The following CCDC57 variants were observed in gnomAD, a reference collection of about 807,000 sequenced individuals.
CCDC57 encodes coiled-coil domain containing 57, also known as coiled-coil domain-containing protein 57.
Under a neutral mutation model 118.9 loss-of-function variants are expected in CCDC57, and 118 were observed. The ratio of observed to expected loss-of-function variants is 0.99; its 90% CI spans 0.86 to 1.16. The LOEUF (loss-of-function observed/expected upper bound fraction) is 1.16. Among genes scored for constraint, CCDC57 ranks in the 50% most tolerant of loss-of-function variants. The pLI is 0.00. For missense variants in CCDC57, 1,300 were observed against 1,320.7 expected, an observed-to-expected ratio of 0.98 and a Z score of 0.24; for synonymous variants, 527 against 532.9, an observed-to-expected ratio of 0.99 and a Z score of 0.15.
intron 5 of CCDC57, 102 bp from the exon 5 acceptor site, chr17:82,194,241 A>C: frequency 8.1e-7 from 1 of 1,235,384 alleles, no homozygotes; most frequent in Non-Finnish European, 1.1e-6. Flanking sequence ...AGGGAGAAGA[A>C]AAATGAAAAT....
At chr17:82,134,117 G>A (rs1280537904) in exon 17 of CCDC57, 33 of 1,416,850 alleles carry the variant, frequency 2.3e-5, no homozygotes, top group Middle Eastern at 1.8e-4. Context: ...GGTGGGCTGC[G>A]ATCCAAAGGC....
intron 19 of CCDC57, among the ~76,000 whole-genome samples, chr17:82,121,366 T>G (rs1461250248): frequency 6.6e-6 from 1 of 152,160 alleles, no homozygotes; most frequent in Non-Finnish European, 1.5e-5. Flanking sequence ...GAGGCCCCAG[T>G]GCTACTGAGC....
intron 14 of CCDC57, among the ~76,000 whole-genome samples, chr17:82,159,575 G>T (rs531539066): frequency 6.6e-6 from 1 of 152,088 alleles, no homozygotes; most frequent in African/African-American, 2.4e-5. Context: ...TGAGGGTAAC[G>T]CACATGTTAA....
chr17:82,158,346 G>C (rs1196422284), intron 14 of CCDC57, among the ~76,000 whole-genome samples: 1 of 152,172 alleles, frequency 6.6e-6, no homozygotes, highest in African/African-American at 2.4e-5. Context: ...GACATGGGGA[G>C]GCCAGAGGTA....
At chr17:82,171,925 G>T in intron 12 of CCDC57, 72 bp from the exon 12 acceptor site, 2 of 1,534,040 alleles carry the variant, frequency 1.3e-6, no homozygotes, top group Non-Finnish European at 8.9e-7. Context: ...GTGAGCACCA[G>T]CTCAGGGAGC....
chr17:82,179,628 C>T (rs999427691), intron 9 of CCDC57, among the ~76,000 whole-genome samples: 6 of 145,796 alleles, frequency 4.1e-5, no homozygotes, highest in Non-Finnish European at 9.0e-5. Flanking sequence ...AGCCACGGGG[C>T]GGGCGGGGAT....
At chr17:82,113,888 G>C in intron 19 of CCDC57, 1 of 557,838 alleles carries the variant, frequency 1.8e-6, no homozygotes, top group Non-Finnish European at 3.2e-6. Flanking sequence ...TGAGGCCACA[G>C]TGAACCAAGA....
intron 19 of CCDC57, among the ~76,000 whole-genome samples, chr17:82,103,148 G>A (rs2034582437): frequency 6.6e-6 from 1 of 152,232 alleles, no homozygotes; most frequent in African/African-American, 2.4e-5. Context: ...CGCACTCTCA[G>A]CTGGGCTGCG....
At chr17:82,109,321 C>G (rs1476848046) in intron 19 of CCDC57, among the ~76,000 whole-genome samples, 2 of 152,232 alleles carry the variant, frequency 1.3e-5, no homozygotes, top group South Asian at 2.1e-4. Context: ...GGCTGCGAGG[C>G]ATAAGGTTCT....
intron 19 of CCDC57, among the ~76,000 whole-genome samples, chr17:82,124,550 T>G (rs934264248): frequency 2.6e-5 from 4 of 152,130 alleles, no homozygotes; most frequent in African/African-American, 9.7e-5. Context: ...CCCAGCACTT[T>G]GAGAGCGTAA....
chr17:82,201,527 CG>C lies in CCDC57; in HGVS notation c.407+10del. Reference sequence around the variant, plus strand: ...GCACTGCACAGGAGGGCGCGTCGGTCGGTGGCTCACCTGTGGACGCGCTCCA... The same window carrying C: ...GCACTGCACAGGAGGGCGCGTCGGTCGTGGCTCACCTGTGGACGCGCTCCA... On this transcript the variant is annotated intron_variant, in intron 3 of 19. Coordinates refer to ENST00000665763, the Ensembl canonical transcript of CCDC57. 6.3e-7 allele frequency: 1 copy of C among 1,584,186 alleles called. No individual in the cohort carries two copies. Among genetic ancestry groups the C allele is most frequent in the African/African-American group, 1.3e-5 (1 of 74,536 alleles).
At chr17:82,184,025 G>GTGCA in intron 8 of CCDC57, 93 bp from the exon 8 acceptor site, 1 of 387,908 alleles carries the variant, frequency 2.6e-6, no homozygotes, top group Admixed American at 4.7e-5. Flanking sequence ...ATGCGCGCGC[G>GTGCA]CGCGCGCACA....
chr17:82,210,993 TAAAAAAAAAAA>T (rs1207759837), intron 1 of CCDC57, among the ~76,000 whole-genome samples: 1 of 68,860 alleles, frequency 1.5e-5, no homozygotes, highest in Non-Finnish European at 2.8e-5. Context: ...GACTCCGTCT[TAAAAAAAAAAA>T]AAAAAGAAAA....
intron 19 of CCDC57, among the ~76,000 whole-genome samples, chr17:82,120,125 G>A (rs1369586059): frequency 6.6e-6 from 1 of 151,982 alleles, no homozygotes; most frequent in East Asian, 1.9e-4. Flanking sequence ...TAATTTAGAT[G>A]CCACTAAATT....
In CCDC57 at chr17:82,201,899, G is replaced by A. The variant is rs572961940; in HGVS notation, c.46C>T (p.Arg16Cys). The A allele has an allele frequency of 6.3e-5, 102 of 1,608,032 alleles. No homozygotes were observed. The highest frequency in any genetic ancestry group is 3.0e-4 in the South Asian group (27 of 90,944). The change falls in exon 3 of 20, where the codon CGC becomes TGC. Residue 16 changes from arginine to cysteine, a missense_variant. Transcript: ENST00000665763. ...AGCGCCCTCCACTCCTCCTCCTTGC[G>A]AAGCAGCAGCTCATTCAGGGCGGGC...
chr17:82,144,632 C>A lies in CCDC57; in HGVS notation c.2455+6928G>T, dbSNP rs144487276. On this transcript the variant is annotated intron_variant, in intron 16 of 19. Transcript: ENST00000665763. ...GAGCAGGCCTGGGAAGAGCTTCAAT[C>A]AACTGTTTCATAAAATGTGAGCAAA... Among the ~76,000 whole-genome samples, 319 of 152,290 alleles carry A rather than the reference C, an allele frequency of 2.1e-3. 2 individuals are homozygous for A. Among genetic ancestry groups the A allele is most frequent in the African/African-American group, 7.2e-3 (301 of 41,550 alleles).
intron 1 of CCDC57, among the ~76,000 whole-genome samples, chr17:82,210,092 CAG>C (rs1014010542): frequency 2.3e-4 from 35 of 152,050 alleles, no homozygotes; most frequent in African/African-American, 7.5e-4. Flanking sequence ...GCTATAAGGA[CAG>C]AGAGGCCAAC....
chr17:82,140,068 G>T (rs2039809318), intron 16 of CCDC57, among the ~76,000 whole-genome samples: 1 of 152,094 alleles, frequency 6.6e-6, no homozygotes, highest in Non-Finnish European at 1.5e-5. Flanking sequence ...CAGAACATTT[G>T]TAAGTGATAC....
At chr17:82,194,282 T>A in intron 5 of CCDC57, 143 bp from the exon 5 acceptor site, 2 of 818,786 alleles carry the variant, frequency 2.4e-6, no homozygotes, top group Non-Finnish European at 3.8e-6. Context: ...GAGAATGTCC[T>A]AACACAACTC....
Sources: gnomAD v4.1 joint callset for allele counts (sites outside exome capture counted in the v4.1 genomes callset) on GRCh38, gnomAD v4.1.1 for gene constraint, MANE v1.5 for transcripts, NCBI Gene and HGNC (gene_info 2026-07-23, HGNC 2026-07-21) for gene names.